ANKS1B: variants seen among roughly 807,000 people sequenced by gnomAD.
The protein encoded by ANKS1B is ankyrin repeat and sterile alpha motif domain-containing protein 1B.
ANKS1B carries 36 observed loss-of-function variants against 148.3 expected under a neutral mutation model. That is an observed-to-expected ratio of 0.24 (90% CI 0.19 to 0.32). The LOEUF (loss-of-function observed/expected upper bound fraction) is 0.32, where lower values mean the gene tolerates loss of function less well. ANKS1B is among the 10% of genes least tolerant of loss of function. The pLI is 1.00. For synonymous variants in ANKS1B, 542 were observed against 560.8 expected (o/e 0.97, Z 0.47); for missense variants, 1,157 against 1,542.6 (o/e 0.75, Z 4.19).
At chr12:99,473,024 A>T (rs1330553000) in intron 10 of ANKS1B, among the ~76,000 whole-genome samples, 1 of 152,040 alleles carries the variant, frequency 6.6e-6, no homozygotes, top group Non-Finnish European at 1.5e-5. Context: ...TTTTTAAAGC[A>T]TTACAGATAC....
intron 8 of ANKS1B, among the ~76,000 whole-genome samples, chr12:99,699,611 C>T (rs1397333838): frequency 6.6e-6 from 1 of 152,192 alleles, no homozygotes; most frequent in Non-Finnish European, 1.5e-5. Flanking sequence ...TTAAATATCC[C>T]GTAACTTCTG....
chr12:98,839,125 G>A (rs1038788580), intron 17 of ANKS1B, among the ~76,000 whole-genome samples: 20 of 152,160 alleles, frequency 1.3e-4, no homozygotes, highest in Non-Finnish European at 2.6e-4. Context: ...ATGACATTTG[G>A]TTCTTCTCTT....
chr12:99,654,848 A>T (rs2098442388), intron 9 of ANKS1B, among the ~76,000 whole-genome samples: 1 of 152,210 alleles, frequency 6.6e-6, no homozygotes, highest in Admixed American at 6.5e-5. Context: ...CAAACTAAAT[A>T]ATACTAATTT....
At chr12:99,315,486 A>AAAT (rs2083904854) in intron 12 of ANKS1B, among the ~76,000 whole-genome samples, 2 of 152,322 alleles carry the variant, frequency 1.3e-5, no homozygotes, top group South Asian at 4.1e-4. Context: ...TGATCATTAG[A>AAAT]GAAATGCAAA....
intron 3 of ANKS1B, among the ~76,000 whole-genome samples, chr12:99,808,669 T>C (rs1013452314): frequency 6.6e-6 from 1 of 152,088 alleles, no homozygotes; most frequent in African/African-American, 2.4e-5. Flanking sequence ...TCTTATTACT[T>C]CACACCATGA....
chr12:99,799,703 T>C (rs913864639), intron 4 of ANKS1B, among the ~76,000 whole-genome samples: 1 of 151,950 alleles, frequency 6.6e-6, no homozygotes, highest in Non-Finnish European at 1.5e-5. Flanking sequence ...AAGGTGACAT[T>C]GGAGAAGACA....
intron 15 of ANKS1B, among the ~76,000 whole-genome samples, chr12:99,119,255 T>G (rs2062131061): frequency 6.6e-6 from 1 of 152,080 alleles, no homozygotes; most frequent in Non-Finnish European, 1.5e-5. Flanking sequence ...ATTGGAGTGA[T>G]GTGGGCACAA....
rs907867159 is a variant in ANKS1B, at chr12:98,745,476, G to A, written c.*263C>T. On this transcript the variant is annotated 3_prime_UTR_variant, in exon 27 of 27. Coordinates refer to ENST00000683438, the MANE Select transcript of ANKS1B (RefSeq NM_001352186.2). ...AGTCATCAGAAATACCTTGGGAGGT[G>A]GTGGGGAGGGGAGTCGGGAGCATCA... is the stretch of plus-strand genomic sequence containing the variant. The A allele has an allele frequency of 1.8e-6, 2 of 1,140,506 alleles. No individual in the cohort carries two copies. Among genetic ancestry groups the A allele is most frequent in the Non-Finnish European group, 2.2e-6 (2 of 928,556 alleles). The allele number at this position is 1,140,506 out of a possible 1,614,324, so 70.6% of individuals were successfully genotyped here. A position where few individuals can be genotyped will look rare whatever the true frequency, so the allele number is the denominator to read the frequency against.
intron 11 of ANKS1B, among the ~76,000 whole-genome samples, chr12:99,420,681 TATA>T (rs1486227705): frequency 1.3e-5 from 2 of 152,162 alleles, no homozygotes; most frequent in Non-Finnish European, 2.9e-5. Flanking sequence ...TATGAAGGGG[TATA>T]AGTATATAAA....
intron 10 of ANKS1B, among the ~76,000 whole-genome samples, chr12:99,467,280 G>C (rs769184361): frequency 2.0e-5 from 3 of 152,080 alleles, no homozygotes; most frequent in Non-Finnish European, 4.4e-5. Context: ...GGTATTGATG[G>C]GTTGTATCGC....
intron 17 of ANKS1B, among the ~76,000 whole-genome samples, chr12:98,947,761 A>G (rs1325743332): frequency 2.0e-5 from 3 of 152,164 alleles, no homozygotes; most frequent in African/African-American, 7.2e-5. Context: ...CTCTGCAGCA[A>G]CGCCATTGCC....
chr12:98,859,234 T>C (rs973644870), intron 17 of ANKS1B, among the ~76,000 whole-genome samples: 12 of 152,198 alleles, frequency 7.9e-5, no homozygotes, highest in African/African-American at 2.9e-4. Context: ...ATGACTTCAA[T>C]AGAGCATTCA....
At chr12:99,545,630 T>C (rs2097165605) in intron 9 of ANKS1B, among the ~76,000 whole-genome samples, 1 of 151,894 alleles carries the variant, frequency 6.6e-6, no homozygotes, top group South Asian at 2.1e-4. Context: ...GAAAGAATGG[T>C]ATAGAAGAAA....
chr12:99,408,446 T>G (rs1186040576), intron 11 of ANKS1B, among the ~76,000 whole-genome samples: 2 of 145,658 alleles, frequency 1.4e-5, no homozygotes, highest in African/African-American at 5.2e-5. Context: ...AGGCAAAAAT[T>G]TCTTAAGGAA....
chr12:98,868,539 T>A (rs1430135501), intron 17 of ANKS1B, among the ~76,000 whole-genome samples: 1 of 151,888 alleles, frequency 6.6e-6, no homozygotes, highest in Non-Finnish European at 1.5e-5. Context: ...TCCCAAGTTA[T>A]CTCAAAGGTT....
intron 9 of ANKS1B, among the ~76,000 whole-genome samples, chr12:99,550,095 C>T (rs1356491054): frequency 6.6e-6 from 1 of 152,226 alleles, no homozygotes; most frequent in Non-Finnish European, 1.5e-5. Flanking sequence ...TTTACCCTCG[C>T]CTTCCCTTCA....
At position 99,611,806 on chromosome 12, in the gene ANKS1B, C is replaced by T. The variant is rs1042148160; in HGVS notation, c.1272+43261G>A. Among the ~76,000 whole-genome samples the T allele has an allele frequency of 7.2e-5, 11 of 152,018 alleles. No homozygotes were observed. The East Asian group carries it at 1.3e-3, about 19-fold the overall frequency. On this transcript the variant is annotated intron_variant, in intron 9 of 26. Transcript: ENST00000683438. Reference sequence around the variant, plus strand: ...GATTTTCATGATTGGAGGAGCTATGCGTCATACCTAATGTACATTCCAGGA... The same window carrying T: ...GATTTTCATGATTGGAGGAGCTATGTGTCATACCTAATGTACATTCCAGGA...
intron 1 of ANKS1B, among the ~76,000 whole-genome samples, chr12:99,983,609 C>G (rs2095740528): frequency 6.6e-6 from 1 of 152,150 alleles, no homozygotes; most frequent in Non-Finnish European, 1.5e-5. Flanking sequence ...AAGGTTCACT[C>G]ACTTCATTTT....
At chr12:99,500,720 A>T (rs1381251955) in intron 10 of ANKS1B, among the ~76,000 whole-genome samples, 2 of 152,202 alleles carry the variant, frequency 1.3e-5, no homozygotes, top group Admixed American at 1.3e-4. Context: ...ACACTATCTT[A>T]GCAATTATTG....
Sources: gnomAD v4.1 joint callset for allele counts (sites outside exome capture counted in the v4.1 genomes callset) on GRCh38, gnomAD v4.1.1 for gene constraint, MANE v1.5 for transcripts, NCBI Gene and HGNC (gene_info 2026-07-23, HGNC 2026-07-21) for gene names.